GAS7: variants seen among roughly 807,000 people sequenced by gnomAD.
GAS7 encodes growth arrest-specific protein 7.
Under a neutral mutation model 71.1 loss-of-function variants are expected in GAS7, and 28 were observed. The observed-to-expected ratio is 0.39, with a 90% confidence interval of 0.29 to 0.54. GAS7 has a LOEUF of 0.54. GAS7 is among the 20% of genes least tolerant of loss of function. GAS7 has a pLI of 0.62. For synonymous variants in GAS7, 258 were observed against 245.8 expected (o/e 1.05, Z -0.46); for missense variants, 436 against 627.8 (o/e 0.69, Z 3.27).
intron 1 of GAS7, among the ~76,000 whole-genome samples, chr17:10,182,129 T>C (rs2074421307): frequency 6.6e-6 from 1 of 152,218 alleles, no homozygotes; most frequent in South Asian, 2.1e-4. Flanking sequence ...CAGCCCATAC[T>C]GCTACCTAAG....
intron 1 of GAS7, among the ~76,000 whole-genome samples, chr17:10,077,965 G>A (rs2152250063): frequency 6.6e-6 from 1 of 152,192 alleles, no homozygotes. Context: ...GCAAATAGAT[G>A]CTTCTATTGA....
chr17:10,161,751 T>C (rs1325727132), intron 1 of GAS7, among the ~76,000 whole-genome samples: 1 of 152,262 alleles, frequency 6.6e-6, no homozygotes, highest in South Asian at 2.1e-4. Flanking sequence ...AAATGTCCAG[T>C]TGCCAATCTG....
chr17:9,997,257 G>GC (rs1028791435), intron 2 of GAS7, among the ~76,000 whole-genome samples: 5 of 150,722 alleles, frequency 3.3e-5, no homozygotes, highest in Admixed American at 1.3e-4. Context: ...TGGGGGCGGG[G>GC]GCGGTGGAAA....
At chr17:9,997,668 T>C (rs1025382997) in intron 2 of GAS7, among the ~76,000 whole-genome samples, 17 of 152,144 alleles carry the variant, frequency 1.1e-4, no homozygotes, top group Admixed American at 8.5e-4. Flanking sequence ...ACAAGACTAC[T>C]CCCCACTTCA....
intron 1 of GAS7, among the ~76,000 whole-genome samples, chr17:10,091,343 T>C (rs2152256121): frequency 6.6e-6 from 1 of 152,260 alleles, no homozygotes; most frequent in Non-Finnish European, 1.5e-5. Flanking sequence ...ATTGTGAATG[T>C]ACCAAATGCC....
At chr17:10,117,199 T>C (rs543523756) in intron 1 of GAS7, among the ~76,000 whole-genome samples, 1 of 152,190 alleles carries the variant, frequency 6.6e-6, no homozygotes, top group East Asian at 1.9e-4. Flanking sequence ...TTTCGGCCCC[T>C]TCCTCTCGTC....
intron 1 of GAS7, among the ~76,000 whole-genome samples, chr17:10,082,156 T>G (rs919898815): frequency 5.3e-5 from 8 of 152,238 alleles, no homozygotes; most frequent in Non-Finnish European, 1.0e-4. Context: ...ACATCTCATG[T>G]AAGTTTCAAA....
chr17:10,188,930 C>T (rs1239601124), intron 1 of GAS7, among the ~76,000 whole-genome samples: 4 of 152,214 alleles, frequency 2.6e-5, no homozygotes, highest in Non-Finnish European at 5.9e-5. Context: ...AGGCATGAGC[C>T]ACCATGCCCA....
At chr17:10,000,041 CA>C (rs112874387) in intron 2 of GAS7, among the ~76,000 whole-genome samples, 15,490 of 152,142 alleles carry the variant, frequency 0.1, 1,568 homozygotes, top group African/African-American at 0.26. Flanking sequence ...CTGGTTAAAA[CA>C]GATTGCAGCT....
At chr17:9,930,763 T>C (rs1020967386) in intron 9 of GAS7, among the ~76,000 whole-genome samples, 2 of 152,226 alleles carry the variant, frequency 1.3e-5, no homozygotes, top group African/African-American at 4.8e-5. Flanking sequence ...TGGAGCTATA[T>C]TATTCATGGC....
At position 9,969,120 on chromosome 17, in the gene GAS7, T is replaced by G. The variant is rs2069845755; in HGVS notation, c.471+557A>C. On this transcript the variant is annotated intron_variant, in intron 4 of 13. Transcript: ENST00000432992. This position sits in a 1 kb window ranked among gnomAD's most constrained non-coding sequence, Gnocchi z 5.5. ...GTTGGAGCCTCGGTGACCTCATGCA[T>G]ACCTTGAGTTGTTACTGACGCCTAA... Among the ~76,000 whole-genome samples, 1 of 152,172 alleles carries G rather than the reference T, an allele frequency of 6.6e-6. No homozygotes were observed. The highest frequency in any genetic ancestry group is 6.5e-5 in the Admixed American group (1 of 15,278).
At chr17:9,997,017 G>T (rs1475888628) in intron 2 of GAS7, among the ~76,000 whole-genome samples, 1 of 152,054 alleles carries the variant, frequency 6.6e-6, no homozygotes, top group African/African-American at 2.4e-5. Context: ...AAAACTTGGT[G>T]TAGGAACAGA....
rs368623623 is a variant in GAS7 at position 10,019,711 on chromosome 17, C to T, written c.304+66G>A. ...AGAGAGGCGAAGAAGGGAGAAAAAA[C>T]GTGCCCCTCTAGAGAGCCAGAATGC... is the stretch of plus-strand genomic sequence containing the variant. On this transcript the variant is annotated intron_variant, in intron 2 of 13. Transcript: ENST00000432992. 1.7e-4 allele frequency: 254 copies of T among 1,497,102 alleles called. 1 individual carries two copies. The South Asian group carries it at 2.6e-3, about 15-fold the overall frequency. The allele number at this position is 1,497,102 out of a possible 1,614,324, so 92.7% of individuals were successfully genotyped here.
Position 10,040,883 on chromosome 17 carries a change from C to T in GAS7, c.184-20986G>A, listed in dbSNP as rs555689491. On this transcript the variant is annotated intron_variant, in intron 1 of 13. Transcript: ENST00000432992. ...CACCCATAAGAAGGTAAAAGCGGGC[C>T]GGGCACGGTGGCTCACACCTGTAAT... 5.9e-5 allele frequency among the ~76,000 whole-genome samples: 9 copies of T among 152,206 alleles called. No homozygotes were observed. The South Asian group carries it at 1.5e-3, about 25-fold the overall frequency.
chr17:10,186,674 G>A (rs1597842913), intron 1 of GAS7, among the ~76,000 whole-genome samples: 1 of 152,142 alleles, frequency 6.6e-6, no homozygotes, highest in Non-Finnish European at 1.5e-5. Flanking sequence ...CCAAAGTGCT[G>A]GGATTACAGG....
At chr17:10,122,518 C>T (rs2073913152) in intron 1 of GAS7, among the ~76,000 whole-genome samples, 2 of 152,188 alleles carry the variant, frequency 1.3e-5, no homozygotes, top group African/African-American at 2.4e-5. Context: ...GAAGGAGCCT[C>T]GCCCTCCCTG....
In GAS7 at chr17:9,977,867, C is replaced by T. The variant is rs1211306791; in HGVS notation, c.385+3937G>A. Among the ~76,000 whole-genome samples the T allele has an allele frequency of 7.2e-5, 11 of 152,310 alleles. No individual in the cohort carries two copies. The South Asian group carries it at 1.2e-3, about 17-fold the overall frequency. On this transcript the variant is annotated intron_variant, in intron 3 of 13. Transcript: ENST00000432992. The stretch of plus-strand genomic sequence containing the variant: ...ACCTGCACTAATAAGAATGAACCAG[C>T]TCTGTGGGTGGCCCTTCAAACTCTC...
intron 1 of GAS7, among the ~76,000 whole-genome samples, chr17:10,025,572 G>C (rs2072434729): frequency 6.6e-6 from 1 of 150,442 alleles, no homozygotes; most frequent in South Asian, 2.1e-4. Flanking sequence ...GGTGGCTACT[G>C]ATTCCTCCTT....
Position 9,912,503 on chromosome 17 carries a change from A to C in GAS7, c.*4725T>G, listed in dbSNP as rs2067465251. On this transcript the variant is annotated 3_prime_UTR_variant, in exon 14 of 14. Transcript: ENST00000432992. ...TTTCAAAGCCTCCAACGCCCAATACATAGCCAAGGACCGTGTGACACTGAA... is the reference window on the plus strand; with the variant it reads ...TTTCAAAGCCTCCAACGCCCAATACCTAGCCAAGGACCGTGTGACACTGAA... 1 of 232,790 alleles carries C rather than the reference A, an allele frequency of 4.3e-6. No homozygotes were observed. The highest frequency in any genetic ancestry group is 8.5e-6 in the Non-Finnish European group (1 of 117,848). 14.4% of individuals were successfully genotyped at this position (232,790 alleles called of 1,614,324 possible).
Sources: gnomAD v4.1 joint callset for allele counts (sites outside exome capture counted in the v4.1 genomes callset) on GRCh38, gnomAD v4.1.1 for gene constraint, Gnocchi (gnomAD v3.1) non-coding constraint, MANE v1.5 for transcripts, NCBI Gene and HGNC (gene_info 2026-07-23, HGNC 2026-07-21) for gene names.